HRH2: variants seen among roughly 807,000 people sequenced by gnomAD.
HRH2 encodes histamine receptor H2, also known as histamine H2 receptor.
A neutral mutation model predicts 20.1 loss-of-function variants in HRH2; 4 were observed. That is an observed-to-expected ratio of 0.20 (90% CI 0.10 to 0.45). The LOEUF (loss-of-function observed/expected upper bound fraction) is 0.45, where lower values mean the gene tolerates loss of function less well. Ranked by LOEUF, HRH2 falls within the 20% of genes least tolerant of loss-of-function variation. The pLI, the probability that HRH2 is intolerant of heterozygous loss-of-function variation, is 0.99. For synonymous variants in HRH2, 197 were observed against 200.7 expected (o/e 0.98, Z 0.16); for missense variants, 250 against 461.6 (o/e 0.54, Z 4.20).
chr5:175,698,261 C>G (rs1475115435), intron 2 of HRH2, among the ~76,000 whole-genome samples: 1 of 152,226 alleles, frequency 6.6e-6, no homozygotes. Flanking sequence ...AGATCATCTC[C>G]GTATCCCTCG....
chr5:175,684,338 A>G, intron 2 of HRH2, 29 bp downstream of exon 2: 1 of 1,599,438 alleles, frequency 6.3e-7, no homozygotes, highest in Non-Finnish European at 8.5e-7. Flanking sequence ...GGTGCACAGG[A>G]TGGGGGCAAT....
At chr5:175,704,063 A>C (rs1272941395) in intron 2 of HRH2, 1 of 152,156 alleles carries the variant, frequency 6.6e-6, no homozygotes, top group African/African-American at 2.4e-5. Context: ...AATGAGTTCT[A>C]CCAGACACTC....
chr5:175,670,361 A>C (rs541886708), intron 1 of HRH2, among the ~76,000 whole-genome samples: 1 of 152,338 alleles, frequency 6.6e-6, no homozygotes, highest in East Asian at 1.9e-4. Flanking sequence ...AAATTGATAA[A>C]CATTGTTTGA....
chr5:175,688,752 T>C (rs1177847819), intron 2 of HRH2, among the ~76,000 whole-genome samples: 2 of 152,170 alleles, frequency 1.3e-5, no homozygotes, highest in Non-Finnish European at 2.9e-5. Flanking sequence ...AGATACCAGA[T>C]AGGGAAAATG....
intron 2 of HRH2, among the ~76,000 whole-genome samples, chr5:175,694,646 C>A (rs1756507665): frequency 1.3e-5 from 2 of 152,126 alleles, no homozygotes; most frequent in African/African-American, 4.8e-5. Flanking sequence ...GGAAGAGGAA[C>A]TGGGGTGCAG....
In HRH2 at chr5:175,687,346, A is replaced by G. The variant is rs575109711; in HGVS notation, c.1076+3037A>G. Among the ~76,000 whole-genome samples the G allele has an allele frequency of 3.3e-5, 5 of 152,182 alleles. No homozygotes were observed. Among genetic ancestry groups the G allele is most frequent in the Non-Finnish European group, 7.4e-5 (5 of 67,988 alleles). ...GCTCTCCGTCTGGGGACAAACCCGC[A>G]CTGACCCAGAGCCGTTATCACTGCC... On this transcript the variant is annotated intron_variant, in intron 2 of 2. Coordinates refer to ENST00000636584, the MANE Select transcript of HRH2 (RefSeq NM_001367711.1). The surrounding 1 kb of genome is among the most constrained non-coding windows in gnomAD (Gnocchi z 5.2).
At position 175,708,110 on chromosome 5, in the gene HRH2, G is replaced by A. The variant is rs1757002286; in HGVS notation, c.*139G>A. The A allele has an allele frequency of 2.5e-6, 1 of 397,442 alleles. No homozygotes were observed. Among genetic ancestry groups the A allele is most frequent in the Admixed American group, 4.4e-5 (1 of 22,700 alleles). The allele number at this position is 397,442 out of a possible 1,614,324, so 24.6% of individuals were successfully genotyped here. ...GGGCTCCCAGAACACACAGCTGGGT[G>A]TGGGGTCCTCAGGCCTAGGGCGGAA... On this transcript the variant is annotated 3_prime_UTR_variant, in exon 3 of 3. Coordinates refer to ENST00000636584, the MANE Select transcript of HRH2 (RefSeq NM_001367711.1).
At chr5:175,665,619 C>G (rs951329509) in intron 1 of HRH2, among the ~76,000 whole-genome samples, 1 of 152,164 alleles carries the variant, frequency 6.6e-6, no homozygotes, top group African/African-American at 2.4e-5. Flanking sequence ...ATTGCTAGAG[C>G]TAGAAAGTTC....
Position 175,693,462 on chromosome 5 carries a change from C to T in HRH2, c.1076+9153C>T, listed in dbSNP as rs1756453662. 6.6e-6 allele frequency among the ~76,000 whole-genome samples: 1 copy of T among 152,200 alleles called. No individual in the cohort carries two copies. Among genetic ancestry groups the T allele is most frequent in the African/African-American group, 2.4e-5 (1 of 41,452 alleles). On this transcript the variant is annotated intron_variant, in intron 2 of 2. Transcript: ENST00000636584. This position sits in a 1 kb window ranked among gnomAD's most constrained non-coding sequence, Gnocchi z 4.4. ...AATTTGCAGAAAGTAGCGAGGGCCT[C>T]ACAGACGGGACGTCGCAGGTCCATG...
intron 1 of HRH2, among the ~76,000 whole-genome samples, chr5:175,667,677 A>G (rs1401177664): frequency 4.6e-5 from 7 of 152,088 alleles, no homozygotes; most frequent in South Asian, 2.1e-4. Flanking sequence ...TGACTTAAAT[A>G]TAAGCATTTC....
intron 2 of HRH2, among the ~76,000 whole-genome samples, chr5:175,705,480 A>T (rs992640494): frequency 2.6e-5 from 4 of 152,196 alleles, no homozygotes; most frequent in Admixed American, 2.6e-4. Context: ...ATACAATGAA[A>T]TACCTTTTTT....
intron 2 of HRH2, among the ~76,000 whole-genome samples, chr5:175,700,194 C>G (rs966488572): frequency 9.9e-5 from 15 of 152,214 alleles, no homozygotes; most frequent in African/African-American, 3.6e-4. Flanking sequence ...CTCACTGTCT[C>G]CCTCAAGGGT....
In HRH2 at chr5:175,693,999, A is replaced by T. The variant is rs548273568; in HGVS notation, c.1076+9690A>T. 6.6e-6 allele frequency among the ~76,000 whole-genome samples: 1 copy of T among 152,240 alleles called. No homozygotes were observed. Among genetic ancestry groups the T allele is most frequent in the African/African-American group, 2.4e-5 (1 of 41,532 alleles). On this transcript the variant is annotated intron_variant, in intron 2 of 2. Transcript: ENST00000636584. The surrounding 1 kb of genome is among the most constrained non-coding windows in gnomAD (Gnocchi z 4.4). Reference sequence around the variant, plus strand: ...ACCTCCCCAATTTGCTGGCTGGCTGACCTGGAGCGAGTGACTTCCTCTCTC... The same window carrying T: ...ACCTCCCCAATTTGCTGGCTGGCTGTCCTGGAGCGAGTGACTTCCTCTCTC...
At chr5:175,699,012 C>T (rs909728230) in intron 2 of HRH2, among the ~76,000 whole-genome samples, 11 of 152,200 alleles carry the variant, frequency 7.2e-5, no homozygotes, top group Non-Finnish European at 1.3e-4. Context: ...AAAGCAGATC[C>T]TGGGCCAGGC....
chr5:175,667,686 TC>T (rs1762947151), intron 1 of HRH2, among the ~76,000 whole-genome samples: 1 of 152,142 alleles, frequency 6.6e-6, no homozygotes, highest in African/African-American at 2.4e-5. Context: ...TATAAGCATT[TC>T]CCCTCATTAT....
chr5:175,684,544 C>A (rs1756100506), intron 2 of HRH2, among the ~76,000 whole-genome samples: 1 of 152,264 alleles, frequency 6.6e-6, no homozygotes, highest in African/African-American at 2.4e-5. Context: ...AAGGGCCGCA[C>A]AGCTGGGGCC....
rs1429449417 is a variant in HRH2 at position 175,681,287 on chromosome 5, AC to A, written c.-525-1419del. Among the ~76,000 whole-genome samples, 2 of 152,192 alleles carry A rather than the reference AC, an allele frequency of 1.3e-5. No homozygotes were observed. Among genetic ancestry groups the A allele is most frequent in the Non-Finnish European group, 2.9e-5 (2 of 68,042 alleles). Reference sequence around the variant, plus strand: ...GGAGCGTGGCAGAAGGTGATCGGGAACCCTGATCCCTGCACGAACACAATCG... The same window carrying A: ...GGAGCGTGGCAGAAGGTGATCGGGAACCTGATCCCTGCACGAACACAATCG... On this transcript the variant is annotated intron_variant, in intron 1 of 2. Transcript: ENST00000636584. The surrounding 1 kb of genome is among the most constrained non-coding windows in gnomAD (Gnocchi z 4.3).
Position 175,697,916 on chromosome 5 carries a change from T to C in HRH2, c.1077-9863T>C, listed in dbSNP as rs1448407436. Among the ~76,000 whole-genome samples, 8 of 152,184 alleles carry C rather than the reference T, an allele frequency of 5.3e-5. 1 individual carries two copies. The highest frequency in any genetic ancestry group is 2.0e-4 in the Admixed American group (3 of 15,282). On this transcript the variant is annotated intron_variant, in intron 2 of 2. Coordinates refer to ENST00000636584, the MANE Select transcript of HRH2 (RefSeq NM_001367711.1). ...TGTCCACCTCCCCAAACACCCCTCA[T>C]GGCAACAGGCCCAACTCAAATGCCA...
In HRH2 at chr5:175,689,080, A is replaced by G. The variant is rs75207147; in HGVS notation, c.1076+4771A>G. On this transcript the variant is annotated intron_variant, in intron 2 of 2. Coordinates refer to ENST00000636584, the MANE Select transcript of HRH2 (RefSeq NM_001367711.1). ...CTTCCAGCTCTTCTTCTGTCCCTCAATCAGCCCAGCATCCCAACTGGCCCC... is the reference window on the plus strand; with the variant it reads ...CTTCCAGCTCTTCTTCTGTCCCTCAGTCAGCCCAGCATCCCAACTGGCCCC... Among the ~76,000 whole-genome samples the G allele has an allele frequency of 1.8e-4, 27 of 152,138 alleles. 1 individual carries two copies. In the East Asian group the frequency reaches 3.7e-3, roughly 21 times the overall value.
Sources: gnomAD v4.1 joint callset for allele counts (sites outside exome capture counted in the v4.1 genomes callset) on GRCh38, gnomAD v4.1.1 for gene constraint, Gnocchi (gnomAD v3.1) non-coding constraint, MANE v1.5 for transcripts, NCBI Gene and HGNC (gene_info 2026-07-23, HGNC 2026-07-21) for gene names.